GRM7: variants seen among roughly 807,000 people sequenced by gnomAD.
GRM7 encodes metabotropic glutamate receptor 7.
In GRM7, 35 loss-of-function variants were observed where a neutral mutation model predicts 84.5. The ratio of observed to expected loss-of-function variants is 0.41; its 90% CI spans 0.32 to 0.55. The LOEUF is 0.55. Ranked by LOEUF, GRM7 falls within the 20% of genes least tolerant of loss-of-function variation. The probability of loss-of-function intolerance (pLI) is 0.19; values close to 1 mark genes in which losing one functional copy is unlikely to be tolerated. For synonymous variants in GRM7, 487 were observed against 455.1 expected (o/e 1.07, Z -0.89); for missense variants, 1,003 against 1,194.6 (o/e 0.84, Z 2.36).
intron 1 of GRM7, among the ~76,000 whole-genome samples, chr3:6,888,636 C>T (rs1695802827): frequency 6.6e-6 from 1 of 152,012 alleles, no homozygotes; most frequent in Admixed American, 6.6e-5. Context: ...TTACTGTAGC[C>T]TTGTAGTATA....
At chr3:7,561,449 G>A in intron 7 of GRM7, 1 of 454,314 alleles carries the variant, frequency 2.2e-6, no homozygotes, top group Non-Finnish European at 4.4e-6. Flanking sequence ...TCAGTGAATG[G>A]CCTTTGATTA....
At chr3:6,970,534 T>C (rs1310411906) in intron 1 of GRM7, among the ~76,000 whole-genome samples, 2 of 152,190 alleles carry the variant, frequency 1.3e-5, no homozygotes, top group African/African-American at 4.8e-5. Context: ...TTAGCAGCTA[T>C]GGTAAGGACT....
At chr3:7,096,612 G>A (rs1237697833) in intron 1 of GRM7, among the ~76,000 whole-genome samples, 5 of 152,118 alleles carry the variant, frequency 3.3e-5, no homozygotes, top group East Asian at 1.9e-4. Flanking sequence ...TTAATACATA[G>A]GCACGACTGG....
intron 7 of GRM7, among the ~76,000 whole-genome samples, chr3:7,504,799 GCCA>G: frequency 6.6e-6 from 1 of 152,150 alleles, no homozygotes. Context: ...ACACATTTTA[GCCA>G]TAGCATTCTG....
intron 7 of GRM7, chr3:7,520,006 G>A (rs897691949): frequency 1.3e-5 from 2 of 152,142 alleles, no homozygotes; most frequent in African/African-American, 4.8e-5. Context: ...TGTTGCTCAG[G>A]GCACACATCC....
At chr3:7,631,337 T>G (rs1203693801) in intron 8 of GRM7, among the ~76,000 whole-genome samples, 1 of 150,818 alleles carries the variant, frequency 6.6e-6, no homozygotes, top group Non-Finnish European at 1.5e-5. Flanking sequence ...GTAGGGAGTA[T>G]TCAGGAGCCG....
rs140955511 is a variant in GRM7, at chr3:7,464,928, G to A, written c.1515+3206G>A. ...GGATAATCGCTTGAACCCAGGAGGC[G>A]GAGGTTGCAGTGAGCCGAGATCATG... On this transcript the variant is annotated intron_variant, in intron 7 of 9. Coordinates refer to ENST00000357716, the MANE Select transcript of GRM7 (RefSeq NM_000844.4). 1.2e-3 allele frequency among the ~76,000 whole-genome samples: 186 copies of A among 152,114 alleles called. 1 individual carries two copies. The highest frequency in any genetic ancestry group is 4.1e-3 in the African/African-American group (172 of 41,498).
At chr3:7,696,469 C>A (rs1262954303) in intron 9 of GRM7, among the ~76,000 whole-genome samples, 2 of 152,084 alleles carry the variant, frequency 1.3e-5, no homozygotes, top group Non-Finnish European at 2.9e-5. Context: ...TTTTCTTAGT[C>A]ACCACCCAAA....
chr3:7,211,101 A>G (rs1032541886), intron 2 of GRM7, among the ~76,000 whole-genome samples: 1 of 152,230 alleles, frequency 6.6e-6, no homozygotes, highest in Non-Finnish European at 1.5e-5. Flanking sequence ...ACCTCTTGAC[A>G]GTATGATATT....
chr3:7,182,917 A>G (rs531006853), intron 2 of GRM7, among the ~76,000 whole-genome samples: 1 of 78,886 alleles, frequency 1.3e-5, no homozygotes, highest in Non-Finnish European at 3.2e-5. Context: ...TTTTTTTTTC[A>G]ATGAAAAAGA....
intron 4 of GRM7, among the ~76,000 whole-genome samples, chr3:7,363,581 A>G (rs1260656346): frequency 3.3e-5 from 5 of 152,122 alleles, no homozygotes; most frequent in Non-Finnish European, 7.4e-5. Flanking sequence ...GTATTCCCCA[A>G]TATTTCATTT....
intron 7 of GRM7, among the ~76,000 whole-genome samples, chr3:7,527,650 G>C (rs1700858832): frequency 6.6e-6 from 1 of 151,980 alleles, no homozygotes; most frequent in Admixed American, 6.6e-5. Context: ...GTTGTAGTAT[G>C]ATATTGGCTA....
chr3:7,345,339 A>G (rs1692842437), intron 4 of GRM7, among the ~76,000 whole-genome samples: 1 of 148,934 alleles, frequency 6.7e-6, no homozygotes, highest in Non-Finnish European at 1.5e-5. Context: ...CAATGGTGGG[A>G]TTTCGGCTCA....
intron 7 of GRM7, among the ~76,000 whole-genome samples, chr3:7,513,647 G>T (rs1700283555): frequency 6.6e-6 from 1 of 152,194 alleles, no homozygotes; most frequent in Non-Finnish European, 1.5e-5. Context: ...TGCTTGAGGT[G>T]ATGGGTATTC....
At chr3:7,096,273 C>A (rs1019348118) in intron 1 of GRM7, among the ~76,000 whole-genome samples, 1 of 152,016 alleles carries the variant, frequency 6.6e-6, no homozygotes, top group Admixed American at 6.6e-5. Context: ...AAGGTAAGGA[C>A]TCAGTCTTCT....
intron 5 of GRM7, among the ~76,000 whole-genome samples, chr3:7,419,838 A>G (rs1427937514): frequency 6.6e-6 from 1 of 152,194 alleles, no homozygotes; most frequent in East Asian, 1.9e-4. Context: ...GAAGATGAAT[A>G]AATTGGTGAC....
Position 7,574,894 on chromosome 3 carries a change from C to G in GRM7, c.1516-3528C>G, listed in dbSNP as rs1053014616. Among the ~76,000 whole-genome samples, 9 of 152,252 alleles carry G rather than the reference C, an allele frequency of 5.9e-5. No homozygotes were observed. The East Asian group carries it at 1.7e-3, about 29-fold the overall frequency. On this transcript the variant is annotated intron_variant, in intron 7 of 9. Coordinates refer to ENST00000357716, the MANE Select transcript of GRM7 (RefSeq NM_000844.4). ...GTGCTGTACACCCCGGGTTACAACC[C>G]TTTGCTCTTCCCAAATGAAATCTTT...
intron 1 of GRM7, among the ~76,000 whole-genome samples, chr3:6,938,726 A>G (rs1287273687): frequency 6.6e-6 from 1 of 152,164 alleles, no homozygotes; most frequent in Non-Finnish European, 1.5e-5. Flanking sequence ...ACTTCTGGGA[A>G]ATTCTGGACC....
chr3:7,200,548 A>T (rs376526419), intron 2 of GRM7, among the ~76,000 whole-genome samples: 39 of 152,138 alleles, frequency 2.6e-4, no homozygotes, highest in African/African-American at 8.2e-4. Context: ...TGCTCCTTGG[A>T]TCATTCTTGG....
Sources: allele counts gnomAD v4.1 joint callset (sites outside exome capture counted in the v4.1 genomes callset), GRCh38; gene constraint gnomAD v4.1.1; transcripts MANE v1.5; gene names NCBI Gene and HGNC (gene_info 2026-07-23, HGNC 2026-07-21).